The following PTPRD variants were observed in gnomAD, a reference collection of about 807,000 sequenced individuals.
PTPRD encodes protein tyrosine phosphatase receptor type D.
A neutral mutation model predicts 214.5 loss-of-function variants in PTPRD; 34 were observed. That is an observed-to-expected ratio of 0.16 (90% CI 0.12 to 0.21). The LOEUF (loss-of-function observed/expected upper bound fraction) is 0.21, where lower values mean the gene tolerates loss of function less well. Ranked by LOEUF, PTPRD falls within the 10% of genes least tolerant of loss-of-function variation. The pLI, the probability that PTPRD is intolerant of heterozygous loss-of-function variation, is 1.00. For missense variants in PTPRD, 2,545 were observed against 2,398.7 expected, an observed-to-expected ratio of 1.06 and a Z score of -1.27; for synonymous variants, 1,128 against 845.7, an observed-to-expected ratio of 1.33 and a Z score of -5.79.
intron 3 of PTPRD, among the ~76,000 whole-genome samples, chr9:10,303,990 T>A (rs1173537404): frequency 6.6e-6 from 1 of 152,148 alleles, no homozygotes; most frequent in Non-Finnish European, 1.5e-5. Context: ...ATATCCCTGA[T>A]GAACATTGAT....
intron 8 of PTPRD, among the ~76,000 whole-genome samples, chr9:9,427,114 C>T (rs766287291): frequency 3.9e-5 from 6 of 152,058 alleles, no homozygotes; most frequent in African/African-American, 7.2e-5. Context: ...CAAACTTCTC[C>T]GAGCTAAAGG....
chr9:10,280,804 G>A (rs2095060667), intron 3 of PTPRD, among the ~76,000 whole-genome samples: 1 of 151,684 alleles, frequency 6.6e-6, no homozygotes, highest in Non-Finnish European at 1.5e-5. Flanking sequence ...CTGTAGAGAT[G>A]AGGTTCCACT....
chr9:9,848,169 T>C (rs2153658308), intron 5 of PTPRD, among the ~76,000 whole-genome samples: 1 of 152,282 alleles, frequency 6.6e-6, no homozygotes, highest in African/African-American at 2.4e-5. Context: ...ATCTTTATAC[T>C]GACCTCATGA....
At chr9:9,581,093 T>A (rs2090629710) in intron 7 of PTPRD, among the ~76,000 whole-genome samples, 1 of 152,132 alleles carries the variant, frequency 6.6e-6, no homozygotes, top group Non-Finnish European at 1.5e-5. Context: ...ATAAAGCAGA[T>A]ACATAACTAT....
intron 10 of PTPRD, among the ~76,000 whole-genome samples, chr9:9,073,519 C>G (rs1248226984): frequency 6.6e-6 from 1 of 152,104 alleles, no homozygotes; most frequent in African/African-American, 2.4e-5. Flanking sequence ...AGCAGACAAT[C>G]CTCCATAATA....
chr9:10,010,732 A>T (rs2096580665), intron 4 of PTPRD, among the ~76,000 whole-genome samples: 1 of 152,014 alleles, frequency 6.6e-6, no homozygotes, highest in Non-Finnish European at 1.5e-5. Context: ...TCGAGGTTTG[A>T]AAACAATTTT....
At chr9:10,208,103 C>T (rs1416901760) in intron 3 of PTPRD, among the ~76,000 whole-genome samples, 1 of 152,164 alleles carries the variant, frequency 6.6e-6, no homozygotes, top group African/African-American at 2.4e-5. Context: ...GGAGTAACAA[C>T]AACAAAACCT....
intron 12 of PTPRD, among the ~76,000 whole-genome samples, chr9:8,714,320 T>C (rs2098405883): frequency 6.6e-6 from 1 of 152,146 alleles, no homozygotes; most frequent in Non-Finnish European, 1.5e-5. Context: ...TTTTTTTGTT[T>C]TGTTTTGTTT....
At chr9:8,704,261 C>T (rs569762110) in intron 12 of PTPRD, among the ~76,000 whole-genome samples, 5 of 152,170 alleles carry the variant, frequency 3.3e-5, no homozygotes, top group African/African-American at 9.6e-5. Flanking sequence ...CCATCCTCTG[C>T]ATCTCCCTAC....
At chr9:10,085,618 G>C (rs916764843) in intron 3 of PTPRD, among the ~76,000 whole-genome samples, 3 of 151,612 alleles carry the variant, frequency 2.0e-5, no homozygotes, top group Non-Finnish European at 4.4e-5. Context: ...AGAAAAGTGA[G>C]AGACTCAGGA....
intron 9 of PTPRD, among the ~76,000 whole-genome samples, chr9:9,378,182 C>T (rs1435413764): frequency 3.9e-5 from 6 of 151,928 alleles, no homozygotes; most frequent in Admixed American, 1.3e-4. Context: ...ATCCTCTATG[C>T]CCCACCTAAT....
intron 9 of PTPRD, among the ~76,000 whole-genome samples, chr9:9,255,263 G>C (rs535823076): frequency 5.3e-5 from 8 of 151,890 alleles, no homozygotes; most frequent in African/African-American, 1.9e-4. Flanking sequence ...TTTAGATTCC[G>C]TTATCATTGA....
At chr9:9,868,523 G>A (rs879885789) in intron 5 of PTPRD, among the ~76,000 whole-genome samples, 56 of 151,868 alleles carry the variant, frequency 3.7e-4, no homozygotes, top group African/African-American at 1.3e-3. Flanking sequence ...GGTAGATTCA[G>A]GAAATATAGC....
chr9:9,993,638 G>A (rs1384888832), intron 4 of PTPRD, among the ~76,000 whole-genome samples: 2 of 152,152 alleles, frequency 1.3e-5, no homozygotes, highest in Non-Finnish European at 2.9e-5. Flanking sequence ...CTTTGGAGAG[G>A]AAGCAGGGGT....
intron 11 of PTPRD, among the ~76,000 whole-genome samples, chr9:8,739,320 T>A (rs192005223): frequency 6.6e-6 from 1 of 152,364 alleles, no homozygotes; most frequent in East Asian, 1.9e-4. Flanking sequence ...GGGAGCCATC[T>A]AAATATTTTA....
At chr9:8,352,873 G>A (rs1457997308) in intron 39 of PTPRD, among the ~76,000 whole-genome samples, 1 of 152,148 alleles carries the variant, frequency 6.6e-6, no homozygotes, top group Non-Finnish European at 1.5e-5. Flanking sequence ...AGCGCTTTGG[G>A]AGGCTGAGGC....
At chr9:9,996,289 T>C (rs1264587661) in intron 4 of PTPRD, among the ~76,000 whole-genome samples, 3 of 152,188 alleles carry the variant, frequency 2.0e-5, no homozygotes, top group Non-Finnish European at 2.9e-5. Flanking sequence ...ATTAATTAAA[T>C]TGATTCAAAA....
At chr9:8,978,153 G>A (rs182169667) in intron 11 of PTPRD, among the ~76,000 whole-genome samples, 7 of 152,022 alleles carry the variant, frequency 4.6e-5, no homozygotes, top group Admixed American at 2.6e-4. Flanking sequence ...AGTAATTAAC[G>A]TAAATTTTGG....
intron 11 of PTPRD, among the ~76,000 whole-genome samples, chr9:8,924,194 C>G (rs1265062489): frequency 2.0e-5 from 3 of 151,954 alleles, no homozygotes; most frequent in African/African-American, 7.3e-5. Context: ...TTAAATAAGT[C>G]TACAGTACTG....
Sources: gnomAD v4.1 joint callset for allele counts (sites outside exome capture counted in the v4.1 genomes callset) on GRCh38, gnomAD v4.1.1 for gene constraint, MANE v1.5 for transcripts, NCBI Gene and HGNC (gene_info 2026-07-23, HGNC 2026-07-21) for gene names.